The following MAU2 variants were observed in gnomAD, a reference collection of about 807,000 sequenced individuals.
MAU2 encodes the protein MAU2 sister chromatid cohesion factor.
In MAU2, 9 loss-of-function variants were observed where a neutral mutation model predicts 89.1. The ratio of observed to expected loss-of-function variants is 0.10; its 90% CI spans 0.06 to 0.18. The LOEUF is 0.18. MAU2 is among the 10% of genes least tolerant of loss of function. The pLI, the probability that MAU2 is intolerant of heterozygous loss-of-function variation, is 1.00. For synonymous variants in MAU2, 357 were observed against 343.4 expected, an observed-to-expected ratio of 1.04 and a Z score of -0.44; for missense variants, 425 against 803.5, an observed-to-expected ratio of 0.53 and a Z score of 5.69.
intron 4 of MAU2, among the ~76,000 whole-genome samples, chr19:19,337,543 G>A (rs2061607370): frequency 6.6e-6 from 1 of 152,220 alleles, no homozygotes; most frequent in African/African-American, 2.4e-5. Flanking sequence ...ACTGACAGCG[G>A]GCCTGCTGCT....
intron 1 of MAU2, among the ~76,000 whole-genome samples, chr19:19,332,515 GCTAA>G (rs780443326): frequency 2.0e-5 from 3 of 151,914 alleles, no homozygotes; most frequent in Admixed American, 2.0e-4. Context: ...TTAGAGCATC[GCTAA>G]CTCACAGTGG....
chr19:19,340,713 G>T (rs547014279), intron 5 of MAU2, 133 bp from the exon 6 acceptor site: 7 of 646,102 alleles, frequency 1.1e-5, no homozygotes, highest in Non-Finnish European at 1.8e-5. Flanking sequence ...TCTTGTAAGG[G>T]GACTGTTCTC....
chr19:19,347,364 G>A lies in MAU2; in HGVS notation c.1306G>A (p.Val436Ile). The change falls in exon 13 of 19, where the codon GTA becomes ATA. Residue 436 changes from valine to isoleucine, a missense_variant and splice_region_variant. This residue lies in a region of MAU2 where 66 missense variants were observed against 129.1 expected (regional missense o/e 0.51). Coordinates refer to ENST00000262815, the MANE Select transcript of MAU2 (RefSeq NM_015329.4). ...ACGGGAAGGAAATAGACACCAAGAG[G>A]TAGTAGGTGACATGCTTCATGTTCG... ...YIREGNRHQE[V>I]LYSLLERINP... The A allele has an allele frequency of 6.2e-7, 1 of 1,611,640 alleles. No individual in the cohort carries two copies. Among genetic ancestry groups the A allele is most frequent in the Non-Finnish European group, 8.5e-7 (1 of 1,177,986 alleles).
rs1319303408 is a variant in MAU2 at position 19,358,716 on chromosome 19, T to C, written c.*2934T>C. On this transcript the variant is annotated 3_prime_UTR_variant, in exon 19 of 19. Coordinates refer to ENST00000262815, the MANE Select transcript of MAU2 (RefSeq NM_015329.4). ...CATAGCTTCCTGTTTGTGGATTTTG[T>C]TTCCTATATATTCAAAGTAAAATGA... The C allele has an allele frequency of 6.6e-6, 1 of 152,196 alleles. No homozygotes were observed. Among genetic ancestry groups the C allele is most frequent in the African/African-American group, 2.4e-5 (1 of 41,474 alleles). The allele number at this position is 152,196 out of a possible 1,614,324, so 9.4% of individuals were successfully genotyped here.
rs923707455 is a variant in MAU2, at chr19:19,357,804, G to A, written c.*2022G>A. On this transcript the variant is annotated 3_prime_UTR_variant, in exon 19 of 19. Coordinates refer to ENST00000262815, the MANE Select transcript of MAU2 (RefSeq NM_015329.4). ...TATGGAAGCCAAATCATGTGCATGT[G>A]TGTGTGTGCGTGTGTGCAAGCTTTG... The A allele has an allele frequency of 1.3e-5, 2 of 152,102 alleles. No individual in the cohort carries two copies. Among genetic ancestry groups the A allele is most frequent in the African/African-American group, 4.8e-5 (2 of 41,408 alleles). 9.4% of individuals were successfully genotyped at this position (152,102 alleles called of 1,614,324 possible).
intron 1 of MAU2, 127 bp downstream of exon 1, chr19:19,321,262 C>T (rs1599881370): frequency 5.3e-6 from 6 of 1,141,608 alleles, no homozygotes; most frequent in African/African-American, 4.9e-5. Flanking sequence ...CCGTCAAAGC[C>T]GCAGGACCCC....
intron 16 of MAU2, among the ~76,000 whole-genome samples, chr19:19,350,160 G>T (rs940459896): frequency 2.6e-5 from 4 of 151,354 alleles, no homozygotes; most frequent in Non-Finnish European, 4.4e-5. Flanking sequence ...GTGGGGCGTG[G>T]TGGTGGACGC....
intron 16 of MAU2, among the ~76,000 whole-genome samples, chr19:19,350,696 C>A (rs531621087): frequency 5.9e-4 from 90 of 151,306 alleles, no homozygotes; most frequent in Non-Finnish European, 1.0e-4. Context: ...GTCAGGAGAT[C>A]GAGACCATCC....
Position 19,343,953 on chromosome 19 carries a change from G to A in MAU2, c.1077+13G>A, listed in dbSNP as rs773344080. 1.9e-6 allele frequency: 3 copies of A among 1,607,342 alleles called. No individual in the cohort carries two copies. The Admixed American group carries it at 5.0e-5, about 27-fold the overall frequency. On this transcript the variant is annotated intron_variant, in intron 10 of 18. Coordinates refer to ENST00000262815, the MANE Select transcript of MAU2 (RefSeq NM_015329.4). Reference sequence around the variant, plus strand: ...GGCGCTGCAGGAGGTAAGGCTGGAAGCAGGAGGGGCGGGAAGGCCCAGGAG... The same window carrying A: ...GGCGCTGCAGGAGGTAAGGCTGGAAACAGGAGGGGCGGGAAGGCCCAGGAG...
chr19:19,341,948 C>T (rs2061651779), intron 7 of MAU2, among the ~76,000 whole-genome samples: 2 of 152,246 alleles, frequency 1.3e-5, no homozygotes, highest in African/African-American at 2.4e-5. Context: ...CAGACCCACC[C>T]CTGTCGCAGT....
chr19:19,332,365 G>A (rs550323314), intron 1 of MAU2, among the ~76,000 whole-genome samples: 2 of 147,540 alleles, frequency 1.4e-5, no homozygotes, highest in South Asian at 2.2e-4. Flanking sequence ...CGAGAGACAG[G>A]GTCTCGCTGT....
intron 1 of MAU2, among the ~76,000 whole-genome samples, chr19:19,325,423 G>A (rs952230046): frequency 2.0e-5 from 3 of 152,050 alleles, no homozygotes; most frequent in Non-Finnish European, 4.4e-5. Flanking sequence ...TGATCCACCC[G>A]CCTTGGCCTC....
intron 1 of MAU2, 105 bp from the exon 2 acceptor site, chr19:19,335,613 G>A (rs1260305001): frequency 8.7e-7 from 1 of 1,149,120 alleles, no homozygotes; most frequent in Non-Finnish European, 1.3e-6. Flanking sequence ...CTGGATACCT[G>A]GCAGCCTCTG....
chr19:19,329,906 T>G lies in MAU2; in HGVS notation c.277-5812T>G, dbSNP rs117885681. Among the ~76,000 whole-genome samples, 840 of 152,188 alleles carry G rather than the reference T, an allele frequency of 5.5e-3. 3 individuals are homozygous for G. The highest frequency in any genetic ancestry group is 0.01 in the Non-Finnish European group (693 of 68,014). ...GAGAATTCAAGGTTACAGTGAGCCA[T>G]GATTGCACCACTGCATTCCGGCCTG... On this transcript the variant is annotated intron_variant, in intron 1 of 18. Coordinates refer to ENST00000262815, the MANE Select transcript of MAU2 (RefSeq NM_015329.4).
chr19:19,355,476 C>G (rs2048167279), intron 18 of MAU2, 85 bp downstream of exon 18: 4 of 1,568,034 alleles, frequency 2.6e-6, no homozygotes, highest in East Asian at 4.5e-5. Flanking sequence ...CTGTATTTCT[C>G]TTTTGTCCAA....
At chr19:19,352,573 GT>G (rs1287889676) in intron 16 of MAU2, 1 of 152,326 alleles carries the variant, frequency 6.6e-6, no homozygotes. Context: ...CCACTGGACA[GT>G]GCAAGTGGCC....
chr19:19,345,148 G>T lies in MAU2; in HGVS notation c.1156-156G>T. The T allele has an allele frequency of 1.3e-6, 1 of 741,140 alleles. No homozygotes were observed. 45.9% of individuals were successfully genotyped at this position (741,140 alleles called of 1,614,324 possible). On this transcript the variant is annotated intron_variant, in intron 11 of 18. Transcript: ENST00000262815. This position sits in a 1 kb window ranked among gnomAD's most constrained non-coding sequence, Gnocchi z 4.9. ...CACATTGGCTTGGGTCTGAAAGGTG[G>T]GGACAGTGAGCATATTACCTGCCTT...
intron 16 of MAU2, chr19:19,352,452 T>G (rs754534014): frequency 6.6e-6 from 1 of 152,254 alleles, no homozygotes; most frequent in Non-Finnish European, 1.5e-5. Context: ...TGGTGGGCCT[T>G]GGCCTCAGCA....
chr19:19,322,932 C>T (rs997300517), intron 1 of MAU2, among the ~76,000 whole-genome samples: 4 of 152,022 alleles, frequency 2.6e-5, no homozygotes, highest in South Asian at 2.1e-4. Context: ...CTCTTGTTGC[C>T]GGGGCTGTAG....
Sources: allele counts gnomAD v4.1 joint callset (sites outside exome capture counted in the v4.1 genomes callset), GRCh38; gene constraint gnomAD v4.1.1; regional missense constraint gnomAD v4.1.1; non-coding constraint Gnocchi (gnomAD v3.1); transcripts MANE v1.5; gene names NCBI Gene and HGNC (gene_info 2026-07-23, HGNC 2026-07-21).